Variants in B3GALNT2 observed in about 807,000 individuals in gnomAD.
The protein encoded by B3GALNT2 is beta-1,3-N-acetylgalactosaminyltransferase 2.
A neutral mutation model predicts 61.1 loss-of-function variants in B3GALNT2; 53 were observed. The observed-to-expected ratio is 0.87, with a 90% CI of 0.70 to 1.09. The LOEUF (loss-of-function observed/expected upper bound fraction) is 1.09, where lower values mean the gene tolerates loss of function less well. Among genes scored for constraint, B3GALNT2 ranks in the 50% least tolerant of loss-of-function variants. The probability of loss-of-function intolerance (pLI) is 0.00; values close to 1 mark genes in which losing one functional copy is unlikely to be tolerated. For synonymous variants in B3GALNT2, 223 were observed against 237.4 expected, an observed-to-expected ratio of 0.94 and a Z score of 0.56; for missense variants, 544 against 623.0, an observed-to-expected ratio of 0.87 and a Z score of 1.35.
chr1:235,471,036 A>G (rs1683978346), intron 5 of B3GALNT2, 76 bp from the exon 6 acceptor site: 24 of 1,557,774 alleles, frequency 1.5e-5, no homozygotes, highest in Non-Finnish European at 2.0e-5. Context: ...TTCAGGCAAG[A>G]TTTTTAGAGA....
chr1:235,447,292 G>T lies in B3GALNT2; in HGVS notation c.*2914C>A, dbSNP rs567651653. On this transcript the variant is annotated 3_prime_UTR_variant, in exon 12 of 12. Transcript: ENST00000366600. ...GCTTTTACAAAAATGATTTTTGATAGAAAAATATGTTTGAATACACTGTGA... is the reference window on the plus strand; with the variant it reads ...GCTTTTACAAAAATGATTTTTGATATAAAAATATGTTTGAATACACTGTGA... Among the ~76,000 whole-genome samples, 1 of 152,246 alleles carries T rather than the reference G, an allele frequency of 6.6e-6. No individual in the cohort carries two copies. The highest frequency in any genetic ancestry group is 2.4e-5 in the African/African-American group (1 of 41,554).
downstream of B3GALNT2, among the ~76,000 whole-genome samples, chr1:235,443,949 G>A (rs1572451990): frequency 6.6e-6 from 1 of 152,288 alleles, no homozygotes; most frequent in Middle Eastern, 3.4e-3. Context: ...CCATGATACT[G>A]TGAATTCTCA....
At position 235,457,258 on chromosome 1, in the gene B3GALNT2, C is replaced by A. The variant is rs541665585; in HGVS notation, c.1025+1345G>T. 3.3e-5 allele frequency among the ~76,000 whole-genome samples: 5 copies of A among 152,228 alleles called. No homozygotes were observed. The South Asian group carries it at 6.2e-4, about 19-fold the overall frequency. ...TGGTAACTTCCCACTCTGCCTAGGG[C>A]AACAGAGAAGAAAAGAAAGAGACAG... On this transcript the variant is annotated intron_variant, in intron 8 of 11. Transcript: ENST00000366600.
In B3GALNT2 at chr1:235,504,299, G is replaced by C. The variant is rs1685738269; in HGVS notation, c.-47C>G. The C allele has an allele frequency of 7.5e-6, 11 of 1,474,862 alleles. No individual in the cohort carries two copies. Among genetic ancestry groups the C allele is most frequent in the Non-Finnish European group, 9.8e-6 (11 of 1,117,744 alleles). 91.4% of individuals were successfully genotyped at this position (1,474,862 alleles called of 1,614,324 possible). ...GGGCTCTCCCGCGTCCCGGCGGAGA[G>C]GGAGGGGACCTGCAAGTGCGGAGAC... On this transcript the variant is annotated 5_prime_UTR_variant, in exon 1 of 12. Coordinates refer to ENST00000366600, the MANE Select transcript of B3GALNT2 (RefSeq NM_152490.5).
Position 235,448,676 on chromosome 1 carries a change from G to T in B3GALNT2, c.*1530C>A. On this transcript the variant is annotated 3_prime_UTR_variant, in exon 12 of 12. Transcript: ENST00000366600. ...ACCTTCGTTCTAATTTTAGAAGCCGGGCAGAGAAATCGAGCTGGAAAATGA... is the reference window on the plus strand; with the variant it reads ...ACCTTCGTTCTAATTTTAGAAGCCGTGCAGAGAAATCGAGCTGGAAAATGA... The T allele has an allele frequency of 6.2e-7, 1 of 1,613,772 alleles. No homozygotes were observed. The highest frequency in any genetic ancestry group is 1.3e-5 in the African/African-American group (1 of 74,986).
chr1:235,444,658 A>C (rs1021455895), downstream of B3GALNT2, among the ~76,000 whole-genome samples: 1 of 151,820 alleles, frequency 6.6e-6, no homozygotes, highest in African/African-American at 2.4e-5. Flanking sequence ...TCCTGTCATC[A>C]CCTCCCAAAG....
At chr1:235,450,973 T>C (rs888385662) in intron 11 of B3GALNT2, 4 of 152,360 alleles carry the variant, frequency 2.6e-5, no homozygotes, top group African/African-American at 7.2e-5. Flanking sequence ...TTCAATGTTT[T>C]GACAACACAA....
At chr1:235,503,683 C>G (rs376202335) in intron 1 of B3GALNT2, among the ~76,000 whole-genome samples, 6 of 152,198 alleles carry the variant, frequency 3.9e-5, no homozygotes, top group African/African-American at 1.4e-4. Flanking sequence ...TTTGAAAACA[C>G]GCACACACAT....
rs1185149901 is a variant in B3GALNT2, at chr1:235,504,192, G to T, written c.61C>A (p.Leu21Met). 9 of 1,357,332 alleles carry T rather than the reference G, an allele frequency of 6.6e-6. No homozygotes were observed. The highest frequency in any genetic ancestry group is 8.5e-6 in the Non-Finnish European group (9 of 1,056,828). 84.1% of individuals were successfully genotyped at this position (1,357,332 alleles called of 1,614,324 possible). A position where few individuals can be genotyped will look rare whatever the true frequency, so the allele number is the denominator to read the frequency against. ...CVLGAALHLW[L>M]RLRSPPPACA... ...GCGGGCGGCGGGGAGCGCAGCCGCAGCCAGAGGTGCAGCGCGGCCCCGAGC... is the reference window on the plus strand; with the variant it reads ...GCGGGCGGCGGGGAGCGCAGCCGCATCCAGAGGTGCAGCGCGGCCCCGAGC... The change falls in exon 1 of 12, where the codon CTG becomes ATG. Residue 21 changes from leucine (L) to methionine (M), a missense_variant. Leu to Met is a conservative substitution (Grantham distance 15, BLOSUM62 2). Coordinates refer to ENST00000366600, the MANE Select transcript of B3GALNT2 (RefSeq NM_152490.5).
At chr1:235,495,161 C>A (rs1685259456) in intron 1 of B3GALNT2, among the ~76,000 whole-genome samples, 1 of 152,172 alleles carries the variant, frequency 6.6e-6, no homozygotes, top group South Asian at 2.1e-4. Context: ...GTCAATTAGG[C>A]CACAGTTAGA....
In B3GALNT2 at chr1:235,449,987, A is replaced by AGAT. The variant is rs1342814080; in HGVS notation, c.*216_*218dup. 4 of 413,460 alleles carry AGAT rather than the reference A, an allele frequency of 9.7e-6. No homozygotes were observed. Among genetic ancestry groups the AGAT allele is most frequent in the Non-Finnish European group, 1.7e-5 (4 of 235,946 alleles). The allele number at this position is 413,460 out of a possible 1,614,324, so 25.6% of individuals were successfully genotyped here. On this transcript the variant is annotated 3_prime_UTR_variant, in exon 12 of 12. Coordinates refer to ENST00000366600, the MANE Select transcript of B3GALNT2 (RefSeq NM_152490.5). ...GGTATTTTTCTGATAATCTTCCAAT[A>AGAT]GATAAATAAAAACTTTTCTTATGCT... is the stretch of plus-strand genomic sequence containing the variant.
At chr1:235,442,869 C>T (rs1681990072), downstream of B3GALNT2, 5 of 1,613,762 alleles carry the variant, frequency 3.1e-6, no homozygotes, top group Admixed American at 3.3e-5. Context: ...GATAAAATAC[C>T]CTCATCAACT....
chr1:235,441,725 G>A, the B3GALNT2 span: 19 of 1,234,696 alleles, frequency 1.5e-5, no homozygotes, highest in African/African-American at 2.2e-4. Flanking sequence ...CTCTCTGGAC[G>A]CTTACCTATC....
At chr1:235,463,242 G>A (rs913350828) in intron 7 of B3GALNT2, among the ~76,000 whole-genome samples, 4 of 152,062 alleles carry the variant, frequency 2.6e-5, no homozygotes, top group Admixed American at 6.6e-5. Context: ...AGGGTGGGAG[G>A]GGGTAGGAAT....
intron 8 of B3GALNT2, 67 bp downstream of exon 8, chr1:235,458,536 C>G (rs1336791192): frequency 6.6e-7 from 1 of 1,515,034 alleles, no homozygotes; most frequent in African/African-American, 1.4e-5. Context: ...CTAGTAAGAC[C>G]CCATCTCAAA....
chr1:235,491,965 A>G (rs531662164), intron 2 of B3GALNT2, among the ~76,000 whole-genome samples: 3 of 152,256 alleles, frequency 2.0e-5, no homozygotes, highest in South Asian at 2.1e-4. Context: ...GGGCTATTTT[A>G]TATCTATTTA....
intron 3 of B3GALNT2, 78 bp downstream of exon 3, chr1:235,489,090 G>T: frequency 6.7e-7 from 1 of 1,496,836 alleles, no homozygotes; most frequent in Non-Finnish European, 8.9e-7. Context: ...AATAAAAACA[G>T]ACTCCATACT....
At chr1:235,463,849 G>T (rs532127957) in intron 7 of B3GALNT2, 4 of 152,232 alleles carry the variant, frequency 2.6e-5, no homozygotes, top group African/African-American at 9.7e-5. Flanking sequence ...TTACAGGAGT[G>T]AGCCACCGTG....
intron 4 of B3GALNT2, among the ~76,000 whole-genome samples, chr1:235,480,462 A>G (rs1405424230): frequency 6.6e-6 from 1 of 152,172 alleles, no homozygotes; most frequent in Non-Finnish European, 1.5e-5. Context: ...TGTTAAATTA[A>G]GCCAACACAT....
Sources: gnomAD v4.1 joint callset for allele counts (sites outside exome capture counted in the v4.1 genomes callset) on GRCh38, gnomAD v4.1.1 for gene constraint, MANE v1.5 for transcripts, NCBI Gene and HGNC (gene_info 2026-07-23, HGNC 2026-07-21) for gene names.